TTC17: variants seen among roughly 807,000 people sequenced by gnomAD.
TTC17 encodes the protein tetratricopeptide repeat protein 17.
A neutral mutation model predicts 143.8 loss-of-function variants in TTC17; 58 were observed. That is an observed-to-expected ratio of 0.40 (90% CI 0.33 to 0.50). The LOEUF (loss-of-function observed/expected upper bound fraction) is 0.50, where lower values mean the gene tolerates loss of function less well. Ranked by LOEUF, TTC17 falls within the 20% of genes least tolerant of loss-of-function variation. The pLI, the probability that TTC17 is intolerant of heterozygous loss-of-function variation, is 0.49. For missense variants in TTC17, 1,273 were observed against 1,392.5 expected, an observed-to-expected ratio of 0.91 and a Z score of 1.37; for synonymous variants, 501 against 497.8, an observed-to-expected ratio of 1.01 and a Z score of -0.09.
intron 21 of TTC17, among the ~76,000 whole-genome samples, chr11:43,455,325 C>G (rs780182672): frequency 6.6e-5 from 10 of 151,454 alleles, no homozygotes; most frequent in Non-Finnish European, 1.5e-4. Flanking sequence ...ACACCCAAAA[C>G]CAGGATGAAA....
chr11:43,458,855 A>T (rs1947811789), intron 21 of TTC17, among the ~76,000 whole-genome samples: 1 of 152,198 alleles, frequency 6.6e-6, no homozygotes, highest in Non-Finnish European at 1.5e-5. Flanking sequence ...ATTACAGTGT[A>T]TTATTTTAAT....
At chr11:43,368,238 A>G (rs1467194319) in intron 1 of TTC17, among the ~76,000 whole-genome samples, 3 of 152,142 alleles carry the variant, frequency 2.0e-5, no homozygotes, top group East Asian at 1.9e-4. Context: ...GTCTCGGGGC[A>G]TAAAGTACCA....
intron 9 of TTC17, among the ~76,000 whole-genome samples, chr11:43,400,455 G>T (rs1857804025): frequency 6.6e-6 from 1 of 152,148 alleles, no homozygotes; most frequent in African/African-American, 2.4e-5. Flanking sequence ...GATGCTTGTT[G>T]CCGCAGGTCT....
intron 1 of TTC17, among the ~76,000 whole-genome samples, chr11:43,369,741 C>T (rs568658250): frequency 2.2e-4 from 34 of 151,978 alleles, no homozygotes; most frequent in African/African-American, 8.0e-4. Context: ...CTCAGCCTCC[C>T]GAGTAGCTGG....
intron 16 of TTC17, 68 bp downstream of exon 16, chr11:43,414,844 A>T (rs1946740957): frequency 6.7e-7 from 1 of 1,503,282 alleles, no homozygotes; most frequent in Admixed American, 2.2e-5. Flanking sequence ...TCAAAAGAAC[A>T]CAGAAAATGA....
At chr11:43,456,626 A>G (rs1337526433) in intron 21 of TTC17, among the ~76,000 whole-genome samples, 4 of 152,196 alleles carry the variant, frequency 2.6e-5, no homozygotes, top group Admixed American at 6.5e-5. Flanking sequence ...TGCTAGTGAC[A>G]GAAGAACCTT....
chr11:43,460,074 T>G (rs1947836669), intron 21 of TTC17, among the ~76,000 whole-genome samples: 1 of 152,080 alleles, frequency 6.6e-6, no homozygotes, highest in Admixed American at 6.5e-5. Flanking sequence ...ATCTTGATCC[T>G]CAGACCATAA....
intron 7 of TTC17, 42 bp from the exon 8 acceptor site, chr11:43,397,931 TG>T (rs762810474): frequency 2.6e-6 from 4 of 1,516,392 alleles, no homozygotes; most frequent in Non-Finnish European, 3.6e-6. Context: ...TGTGTGTGTG[TG>T]TGTGTGTGTG....
intron 3 of TTC17, among the ~76,000 whole-genome samples, chr11:43,391,164 C>G (rs1857371002): frequency 6.6e-6 from 1 of 152,090 alleles, no homozygotes. Context: ...TTTGGGAGGC[C>G]AAGATGGGAG....
intron 21 of TTC17, among the ~76,000 whole-genome samples, chr11:43,459,127 A>G (rs374965163): frequency 4.0e-4 from 61 of 152,214 alleles, no homozygotes; most frequent in African/African-American, 1.3e-3. Context: ...AAAAAAAGTT[A>G]TTGGTCCTAT....
intron 16 of TTC17, among the ~76,000 whole-genome samples, chr11:43,433,118 A>C (rs1487851027): frequency 2.6e-5 from 4 of 152,162 alleles, no homozygotes; most frequent in African/African-American, 9.7e-5. Context: ...CTCCTGCCTC[A>C]GCCTCCCAAG....
intron 1 of TTC17, among the ~76,000 whole-genome samples, chr11:43,371,798 G>T (rs1347956226): frequency 6.6e-6 from 1 of 152,208 alleles, no homozygotes; most frequent in Non-Finnish European, 1.5e-5. Flanking sequence ...GCACTTTGGA[G>T]ATTCTAAGGA....
intron 2 of TTC17, among the ~76,000 whole-genome samples, chr11:43,386,270 G>A (rs980704833): frequency 9.9e-5 from 15 of 152,106 alleles, no homozygotes; most frequent in African/African-American, 3.6e-4. Flanking sequence ...CTTAACGTCA[G>A]GAATATGCTC....
intron 16 of TTC17, among the ~76,000 whole-genome samples, chr11:43,433,197 C>T (rs1947199583): frequency 6.6e-6 from 1 of 152,142 alleles, no homozygotes; most frequent in Non-Finnish European, 1.5e-5. Context: ...GACAGGGTTT[C>T]ACCATGTTGG....
At chr11:43,384,510 G>A (rs1285753234) in intron 2 of TTC17, among the ~76,000 whole-genome samples, 1 of 151,964 alleles carries the variant, frequency 6.6e-6, no homozygotes, top group African/African-American at 2.4e-5. Context: ...AGAAAACTTA[G>A]CCAGCATGGT....
At chr11:43,365,125 A>G (rs1223386504) in intron 1 of TTC17, among the ~76,000 whole-genome samples, 1 of 151,766 alleles carries the variant, frequency 6.6e-6, no homozygotes, top group East Asian at 2.0e-4. Context: ...TTTTTTAAAG[A>G]CAGGTCACTC....
At chr11:43,411,035 C>T (rs1198078043) in intron 15 of TTC17, among the ~76,000 whole-genome samples, 3 of 152,204 alleles carry the variant, frequency 2.0e-5, no homozygotes, top group African/African-American at 7.2e-5. Flanking sequence ...CCAGTCTGTT[C>T]TCATACAGCA....
At chr11:43,362,535 A>G (rs566295985) in intron 1 of TTC17, among the ~76,000 whole-genome samples, 5 of 152,176 alleles carry the variant, frequency 3.3e-5, no homozygotes, top group Non-Finnish European at 2.9e-5. Flanking sequence ...CCTGCAGGCA[A>G]CCTCTTCACA....
intron 2 of TTC17, among the ~76,000 whole-genome samples, chr11:43,382,058 A>G (rs534070927): frequency 1.4e-4 from 21 of 152,228 alleles, no homozygotes; most frequent in Non-Finnish European, 2.1e-4. Context: ...AGATAGACAT[A>G]AAGCCATGAG....
Sources: gnomAD v4.1 joint callset for allele counts (sites outside exome capture counted in the v4.1 genomes callset) on GRCh38, gnomAD v4.1.1 for gene constraint, MANE v1.5 for transcripts, NCBI Gene and HGNC (gene_info 2026-07-23, HGNC 2026-07-21) for gene names.